The following IMMP2L variants were observed in gnomAD, a reference collection of about 807,000 sequenced individuals.
IMMP2L encodes the protein inner mitochondrial membrane peptidase subunit 2.
In IMMP2L, 18 loss-of-function variants were observed where a neutral mutation model predicts 19.3. The ratio of observed to expected loss-of-function variants is 0.93; its 90% CI spans 0.64 to 1.38. The LOEUF is 1.38. Ranked by LOEUF, IMMP2L falls within the 40% of genes most tolerant of loss-of-function variation. IMMP2L has a pLI of 0.00. For synonymous variants in IMMP2L, 76 were observed against 73.0 expected (o/e 1.04, Z -0.21); for missense variants, 233 against 218.2 (o/e 1.07, Z -0.43).
At chr7:110,989,978 T>C (rs1025648209) in intron 3 of IMMP2L, among the ~76,000 whole-genome samples, 3 of 152,116 alleles carry the variant, frequency 2.0e-5, no homozygotes, top group African/African-American at 7.2e-5. Flanking sequence ...CAATTCTCTG[T>C]TGATTGATGC....
chr7:111,433,072 T>C (rs1325163133), intron 3 of IMMP2L, among the ~76,000 whole-genome samples: 2 of 151,670 alleles, frequency 1.3e-5, no homozygotes, highest in Non-Finnish European at 2.9e-5. Context: ...GGGTAATTTA[T>C]AAAGAAAAGA....
intron 3 of IMMP2L, among the ~76,000 whole-genome samples, chr7:111,046,426 G>A: frequency 6.6e-6 from 1 of 151,894 alleles, no homozygotes; most frequent in East Asian, 1.9e-4. Context: ...AAAATTAGGA[G>A]AAATAATGAA....
intron 5 of IMMP2L, among the ~76,000 whole-genome samples, chr7:110,871,411 A>G (rs1188248725): frequency 6.6e-6 from 1 of 152,272 alleles, no homozygotes; most frequent in East Asian, 1.9e-4. Flanking sequence ...CTGGCAGAGA[A>G]GGATGAAAAT....
intron 5 of IMMP2L, among the ~76,000 whole-genome samples, chr7:110,679,225 T>G (rs570663882): frequency 2.7e-4 from 41 of 152,270 alleles, no homozygotes; most frequent in Admixed American, 8.5e-4. Context: ...GATTGATGTT[T>G]ATGCACCAGT....
chr7:111,001,639 T>A (rs1823706571), intron 3 of IMMP2L, among the ~76,000 whole-genome samples: 1 of 152,198 alleles, frequency 6.6e-6, no homozygotes, highest in African/African-American at 2.4e-5. Context: ...AATCTCACTA[T>A]TAATCTGTCA....
chr7:111,022,282 A>T (rs1826365650), intron 3 of IMMP2L, among the ~76,000 whole-genome samples: 1 of 152,184 alleles, frequency 6.6e-6, no homozygotes, highest in Admixed American at 6.5e-5. Context: ...GGCTGGGCAT[A>T]GCAGAAATGT....
intron 4 of IMMP2L, among the ~76,000 whole-genome samples, chr7:110,928,351 G>GCA (rs58639346): frequency 0.05 from 5,874 of 117,006 alleles, 193 homozygotes; most frequent in African/African-American, 0.081. Context: ...ATATGTACCT[G>GCA]CACACACACA....
At position 110,712,082 on chromosome 7, in the gene IMMP2L, C is replaced by T. The variant is rs1179456740; in HGVS notation, c.409-48361G>A. On this transcript the variant is annotated intron_variant, in intron 5 of 5. Coordinates refer to ENST00000405709, the MANE Select transcript of IMMP2L (RefSeq NM_032549.4). ...CTGCGTTCCTTTGGAGGAGGAGAGG[C>T]GCTCTGCGTTTTAGAGTTTCCAGTT... is the stretch of plus-strand genomic sequence containing the variant. Among the ~76,000 whole-genome samples, 4 of 56,242 alleles carry T rather than the reference C, an allele frequency of 7.1e-5. 1 individual carries two copies. Among genetic ancestry groups the T allele is most frequent in the Non-Finnish European group, 1.3e-4 (3 of 23,148 alleles). The allele number at this position is 56,242 out of a possible 152,430, so 36.9% of individuals were successfully genotyped here. A position where few individuals can be genotyped will look rare whatever the true frequency, so the allele number is the denominator to read the frequency against.
intron 4 of IMMP2L, among the ~76,000 whole-genome samples, chr7:110,945,445 A>G (rs1431642719): frequency 6.6e-6 from 1 of 151,816 alleles, no homozygotes; most frequent in African/African-American, 2.4e-5. Context: ...TGCTTCTTGC[A>G]CTTTCCCTTT....
intron 5 of IMMP2L, among the ~76,000 whole-genome samples, chr7:110,774,071 G>A (rs762990445): frequency 6.6e-5 from 10 of 151,918 alleles, no homozygotes; most frequent in Non-Finnish European, 1.3e-4. Flanking sequence ...ATGGGAAGGG[G>A]GAAGGCTGAA....
At position 111,012,790 on chromosome 7, in the gene IMMP2L, T is replaced by G. The variant is rs1825105492; in HGVS notation, c.240-49225A>C. On this transcript the variant is annotated intron_variant, in intron 3 of 5. Coordinates refer to ENST00000405709, the MANE Select transcript of IMMP2L (RefSeq NM_032549.4). ...TTAGTAAAGGCTTTAGCCCCTAACTTGCCGATGAGGAAATGAAAGCTGAGA... is the reference window on the plus strand; with the variant it reads ...TTAGTAAAGGCTTTAGCCCCTAACTGGCCGATGAGGAAATGAAAGCTGAGA... Among the ~76,000 whole-genome samples the G allele has an allele frequency of 2.0e-5, 3 of 152,308 alleles. No homozygotes were observed. The South Asian group carries it at 6.2e-4, about 32-fold the overall frequency.
chr7:111,120,402 C>T (rs1250633016), intron 3 of IMMP2L, among the ~76,000 whole-genome samples: 3 of 152,064 alleles, frequency 2.0e-5, no homozygotes, highest in African/African-American at 4.8e-5. Flanking sequence ...CCTATAAAAA[C>T]ATCAGATCTC....
At chr7:110,928,801 T>C (rs1232490162) in intron 4 of IMMP2L, among the ~76,000 whole-genome samples, 4 of 152,120 alleles carry the variant, frequency 2.6e-5, no homozygotes, top group Non-Finnish European at 4.4e-5. Context: ...TCAGGTCTTC[T>C]AAGCTTCAGA....
intron 5 of IMMP2L, among the ~76,000 whole-genome samples, chr7:110,673,484 G>A (rs529058237): frequency 6.6e-6 from 1 of 152,336 alleles, no homozygotes; most frequent in African/African-American, 2.4e-5. Flanking sequence ...AATTTCTGCA[G>A]CTGGGTTGAA....
At chr7:110,743,350 T>A (rs1170392785) in intron 5 of IMMP2L, among the ~76,000 whole-genome samples, 1 of 152,200 alleles carries the variant, frequency 6.6e-6, no homozygotes, top group Non-Finnish European at 1.5e-5. Flanking sequence ...TTCATTTGAA[T>A]CTGAATTTGC....
intron 3 of IMMP2L, among the ~76,000 whole-genome samples, chr7:111,317,430 A>G (rs1461400318): frequency 2.0e-5 from 3 of 152,144 alleles, no homozygotes; most frequent in Admixed American, 2.0e-4. Context: ...AAGATCCAAC[A>G]TTATATGGGC....
chr7:111,012,267 A>G (rs569166378), intron 3 of IMMP2L, among the ~76,000 whole-genome samples: 1 of 152,256 alleles, frequency 6.6e-6, no homozygotes, highest in South Asian at 2.1e-4. Context: ...AATTATTTCC[A>G]TTATCATTTT....
At chr7:110,874,627 A>G (rs938867134) in intron 5 of IMMP2L, among the ~76,000 whole-genome samples, 5 of 151,902 alleles carry the variant, frequency 3.3e-5, no homozygotes, top group Admixed American at 2.6e-4. Flanking sequence ...CTTTCTTTAA[A>G]TTAAAATATA....
chr7:111,216,804 AG>A (rs1225990560), intron 3 of IMMP2L, among the ~76,000 whole-genome samples: 1 of 152,166 alleles, frequency 6.6e-6, no homozygotes, highest in East Asian at 1.9e-4. Flanking sequence ...ATAACATTTA[AG>A]GCAATAAGCC....
Sources: gnomAD v4.1 joint callset for allele counts (sites outside exome capture counted in the v4.1 genomes callset) on GRCh38, gnomAD v4.1.1 for gene constraint, MANE v1.5 for transcripts, NCBI Gene and HGNC (gene_info 2026-07-23, HGNC 2026-07-21) for gene names.